The following NBAS variants were observed in gnomAD, a reference collection of about 807,000 sequenced individuals.
The protein encoded by NBAS is NAG/BC035112 fusion.
NBAS carries 219 observed loss-of-function variants against 302.5 expected under a neutral mutation model. That is an observed-to-expected ratio of 0.72 (90% confidence interval 0.65 to 0.81). The LOEUF (loss-of-function observed/expected upper bound fraction) is 0.81, where lower values mean the gene tolerates loss of function less well. Ranked by LOEUF, NBAS falls within the 30% of genes least tolerant of loss-of-function variation. The pLI is 0.00. For synonymous variants in NBAS, 1,118 were observed against 1,021.6 expected (o/e 1.09, Z -1.80); for missense variants, 2,932 against 2,841.6 (o/e 1.03, Z -0.72).
chr2:14,937,163 C>T, the NBAS span, among the ~76,000 whole-genome samples: 1 of 152,120 alleles, frequency 6.6e-6, no homozygotes, highest in African/African-American at 2.4e-5. Flanking sequence ...GTCAAGCCCC[C>T]ATCTCTGAGG....
At chr2:14,840,898 T>C in the NBAS span, among the ~76,000 whole-genome samples, 4 of 152,048 alleles carry the variant, frequency 2.6e-5, no homozygotes, top group Non-Finnish European at 5.9e-5. Flanking sequence ...ATATTTTTAT[T>C]GTAATATGCA....
chr2:15,403,424 A>G (rs971815033), intron 25 of NBAS, among the ~76,000 whole-genome samples: 2 of 152,196 alleles, frequency 1.3e-5, no homozygotes, highest in Non-Finnish European at 2.9e-5. Context: ...TATCCAAAAT[A>G]TCTGGGGGAA....
At chr2:15,538,889 G>A (rs1663654356) in intron 7 of NBAS, among the ~76,000 whole-genome samples, 1 of 152,078 alleles carries the variant, frequency 6.6e-6, no homozygotes, top group South Asian at 2.1e-4. Flanking sequence ...TCTATTTCCT[G>A]TAGGGTAACG....
intron 30 of NBAS, among the ~76,000 whole-genome samples, chr2:15,378,589 A>C (rs1674871660): frequency 6.6e-6 from 1 of 152,222 alleles, no homozygotes; most frequent in Non-Finnish European, 1.5e-5. Context: ...AAAAGTGCTA[A>C]GAACACTTCC....
chr2:15,022,433 A>C, the NBAS span, among the ~76,000 whole-genome samples: 1,886 of 152,278 alleles, frequency 0.012, 41 homozygotes, highest in African/African-American at 0.043. Context: ...AGTCATTGTC[A>C]ATTCATTTAG....
intron 31 of NBAS, among the ~76,000 whole-genome samples, chr2:15,369,322 G>A (rs747240405): frequency 6.6e-6 from 1 of 152,070 alleles, no homozygotes; most frequent in Non-Finnish European, 1.5e-5. Context: ...TCAAGGTAGA[G>A]AACTGAAACC....
chr2:15,117,254 C>T, the NBAS span, among the ~76,000 whole-genome samples: 1 of 152,160 alleles, frequency 6.6e-6, no homozygotes, highest in Admixed American at 6.5e-5. Flanking sequence ...TAACTCTGCA[C>T]CCAAAGCCAG....
chr2:15,487,284 A>T (rs532732295), intron 12 of NBAS, among the ~76,000 whole-genome samples: 1 of 152,338 alleles, frequency 6.6e-6, no homozygotes, highest in Admixed American at 6.5e-5. Flanking sequence ...TGGATCAATG[A>T]AATGAATAAT....
chr2:15,071,680 G>C, the NBAS span, among the ~76,000 whole-genome samples: 3 of 151,556 alleles, frequency 2.0e-5, no homozygotes, highest in Admixed American at 6.6e-5. Context: ...TGCCGAGGCT[G>C]AGAAGCCCTG....
intron 35 of NBAS, among the ~76,000 whole-genome samples, chr2:15,340,708 A>AT (rs1183395601): frequency 2.0e-5 from 3 of 152,200 alleles, no homozygotes; most frequent in Non-Finnish European, 2.9e-5. Flanking sequence ...GACCTAGGGT[A>AT]TCTAACATTT....
At chr2:14,966,619 T>TA in the NBAS span, among the ~76,000 whole-genome samples, 1 of 152,140 alleles carries the variant, frequency 6.6e-6, no homozygotes, top group African/African-American at 2.4e-5. Flanking sequence ...TACTCAAAGG[T>TA]GAACTGCACT....
At chr2:15,405,616 A>G (rs1676371495) in intron 25 of NBAS, among the ~76,000 whole-genome samples, 2 of 152,200 alleles carry the variant, frequency 1.3e-5, no homozygotes, top group Admixed American at 6.5e-5. Flanking sequence ...GTAAAATGCA[A>G]AAGAATAATA....
chr2:15,287,277 G>T, intron 41 of NBAS, 94 bp from the exon 42 acceptor site: 1 of 893,148 alleles, frequency 1.1e-6, no homozygotes, highest in Non-Finnish European at 1.9e-6. Context: ...GCTCTCCAGT[G>T]AGAGAGGTGC....
chr2:14,910,932 G>A, the NBAS span, among the ~76,000 whole-genome samples: 9 of 152,162 alleles, frequency 5.9e-5, no homozygotes, highest in African/African-American at 1.2e-4. Context: ...TAATTTACCC[G>A]CACAGCAGGA....
At chr2:14,968,400 A>AT in the NBAS span, among the ~76,000 whole-genome samples, 98 of 147,006 alleles carry the variant, frequency 6.7e-4, 1 homozygote, top group South Asian at 1.7e-3. Context: ...GAGGTTTGGA[A>AT]TTTTTTTTTT....
intron 44 of NBAS, among the ~76,000 whole-genome samples, chr2:15,262,731 T>G (rs1027600275): frequency 3.3e-5 from 5 of 152,198 alleles, no homozygotes; most frequent in African/African-American, 1.2e-4. Context: ...TAAAATTGTT[T>G]TCTCTGTTCT....
Position 15,218,907 on chromosome 2 carries a change from C to A in NBAS, c.6298G>T (p.Ala2100Ser), listed in dbSNP as rs551847563. The change falls in exon 48 of 52, where the codon GCC becomes TCC. Residue 2100 changes from alanine to serine, a missense_variant. By Grantham distance (99) the Ala-to-Ser change is moderately conservative. Coordinates refer to ENST00000281513, the MANE Select transcript of NBAS (RefSeq NM_015909.4). ...EWLRPFCADD[A>S]WPVRPRIHVL... is the part of the protein sequence containing the mutation. Reference sequence around the variant, plus strand: ...TGAATGCGGGGCCGCACCGGCCAGGCGTCATCAGCACAGAAAGGCCGCAGC... The same window carrying A: ...TGAATGCGGGGCCGCACCGGCCAGGAGTCATCAGCACAGAAAGGCCGCAGC... 1.2e-6 allele frequency: 2 copies of A among 1,614,254 alleles called. No individual in the cohort carries two copies. Among genetic ancestry groups the A allele is most frequent in the Non-Finnish European group, 1.7e-6 (2 of 1,180,052 alleles).
chr2:14,785,379 G>A, the NBAS span, among the ~76,000 whole-genome samples: 2 of 152,192 alleles, frequency 1.3e-5, no homozygotes, highest in South Asian at 4.2e-4. Flanking sequence ...GGTGAGAGAG[G>A]GCATCCCTGT....
the NBAS span, among the ~76,000 whole-genome samples, chr2:14,972,861 C>T: frequency 3.9e-5 from 6 of 152,306 alleles, no homozygotes; most frequent in East Asian, 1.2e-3. Context: ...CGGCTGTCTC[C>T]AGGGATGACA....
Sources: allele counts gnomAD v4.1 joint callset (sites outside exome capture counted in the v4.1 genomes callset), GRCh38; gene constraint gnomAD v4.1.1; transcripts MANE v1.5; gene names NCBI Gene and HGNC (gene_info 2026-07-23, HGNC 2026-07-21).